The following ANXA9 variants were observed in gnomAD, a reference collection of about 807,000 sequenced individuals.
ANXA9 encodes the protein annexin A9.
Under a neutral mutation model 51.8 loss-of-function variants are expected in ANXA9, and 47 were observed. That is an observed-to-expected ratio of 0.91 (90% CI 0.72 to 1.16). The LOEUF (loss-of-function observed/expected upper bound fraction) is 1.16, where lower values mean the gene tolerates loss of function less well. ANXA9 is among the 50% of genes most tolerant of loss of function. ANXA9 has a pLI of 0.00. For missense variants in ANXA9, 361 were observed against 424.7 expected (o/e 0.85, Z 1.32); for synonymous variants, 154 against 168.7 (o/e 0.91, Z 0.68).
At position 150,995,463 on chromosome 1, in the gene ANXA9, C is replaced by T. The variant is rs1456460839; in HGVS notation, c.*141C>T. The T allele has an allele frequency of 2.8e-6, 2 of 726,720 alleles. No individual in the cohort carries two copies. The highest frequency in any genetic ancestry group is 3.7e-5 in the African/African-American group (2 of 54,268). 45.0% of individuals were successfully genotyped at this position (726,720 alleles called of 1,614,324 possible). A position where few individuals can be genotyped will look rare whatever the true frequency, so the allele number is the denominator to read the frequency against. ...CTCTAGCTTCTTGTTGAGGCTGGAA[C>T]TGTTTCTTTAAAATCCCTTAATTTT... On this transcript the variant is annotated 3_prime_UTR_variant, in exon 14 of 14. Coordinates refer to ENST00000368947, the MANE Select transcript of ANXA9 (RefSeq NM_003568.3).
chr1:150,987,483 T>C (rs1341601026), intron 9 of ANXA9, among the ~76,000 whole-genome samples: 3 of 151,926 alleles, frequency 2.0e-5, no homozygotes, highest in East Asian at 1.9e-4. Context: ...ATCCCAACAA[T>C]TTGGGAGGCC....
At position 150,983,130 on chromosome 1, in the gene ANXA9, G is replaced by C; in HGVS notation, c.25G>C (p.Ala9Pro). ...CATGTCTGTGACTGGCGGGAAGATG[G>C]CACCGTCCCTCACCCAGGAGATCCT... MSVTGGKM[A>P]PSLTQEILSH... The change falls in exon 3 of 14, where the codon GCA (alanine) becomes CCA (proline). Residue 9 changes from alanine (A) to proline (P), a missense_variant. Transcript: ENST00000368947. The C allele has an allele frequency of 6.2e-7, 1 of 1,614,100 alleles. No individual in the cohort carries two copies. The highest frequency in any genetic ancestry group is 8.5e-7 in the Non-Finnish European group (1 of 1,179,986).
chr1:150,980,801 C>T (rs1378573521), upstream of ANXA9, among the ~76,000 whole-genome samples: 4 of 152,026 alleles, frequency 2.6e-5, no homozygotes, highest in African/African-American at 9.6e-5. Flanking sequence ...AGGCTGGTCT[C>T]GATCTCCTGC....
intron 2 of ANXA9, 126 bp from the exon 3 acceptor site, chr1:150,982,964 C>CT (rs1671446573): frequency 1.0e-5 from 7 of 680,146 alleles, no homozygotes; most frequent in Non-Finnish European, 2.5e-6. Flanking sequence ...GCAGGTTGAT[C>CT]TTTTTTTCTG....
intron 12 of ANXA9, among the ~76,000 whole-genome samples, chr1:150,990,706 G>T (rs139999434): frequency 6.6e-6 from 1 of 152,158 alleles, no homozygotes; most frequent in Non-Finnish European, 1.5e-5. Context: ...AATTAGCCAG[G>T]GGGTAGTGGT....
At chr1:150,992,049 G>A (rs587655820) in intron 12 of ANXA9, among the ~76,000 whole-genome samples, 36 of 152,256 alleles carry the variant, frequency 2.4e-4, no homozygotes, top group Admixed American at 1.5e-3. Flanking sequence ...TTACAGGCGT[G>A]AGCCACCGTG....
At chr1:150,980,381 G>A (rs149929745), upstream of ANXA9, among the ~76,000 whole-genome samples, 12 of 151,184 alleles carry the variant, frequency 7.9e-5, no homozygotes, top group Non-Finnish European at 1.2e-4. Flanking sequence ...GGGCAACAGA[G>A]AGAGACTCCG....
Position 150,983,959 on chromosome 1 carries a change from C to T in ANXA9, c.173-16C>T, listed in dbSNP as rs1332421526. ...GTAAAGACCCTGCTCACAGCACAGC[C>T]CTCATCTCGGTTCAGGCGTGGACCG... On this transcript the variant is annotated splice_polypyrimidine_tract_variant and intron_variant, in intron 4 of 13. Coordinates refer to ENST00000368947, the MANE Select transcript of ANXA9 (RefSeq NM_003568.3). The T allele has an allele frequency of 6.2e-7, 1 of 1,608,700 alleles. No individual in the cohort carries two copies. The highest frequency in any genetic ancestry group is 8.5e-7 in the Non-Finnish European group (1 of 1,177,546).
At chr1:150,992,085 G>A (rs1178895897) in intron 12 of ANXA9, among the ~76,000 whole-genome samples, 2 of 152,044 alleles carry the variant, frequency 1.3e-5, no homozygotes, top group East Asian at 3.9e-4. Flanking sequence ...TCTTTTATGA[G>A]AGATATGTAG....
chr1:150,984,146 C>T (rs947207177), intron 5 of ANXA9, 77 bp downstream of exon 5: 36 of 1,542,994 alleles, frequency 2.3e-5, no homozygotes, highest in Admixed American at 1.5e-4. Context: ...CAGCAACAGC[C>T]GCTGAGGCCA....
chr1:150,980,718 T>C (rs1671401881), upstream of ANXA9, among the ~76,000 whole-genome samples: 1 of 151,520 alleles, frequency 6.6e-6, no homozygotes, highest in Non-Finnish European at 1.5e-5. Flanking sequence ...TAGCTGGGAT[T>C]ACAGGCATGC....
intron 12 of ANXA9, among the ~76,000 whole-genome samples, chr1:150,993,013 T>C (rs1365452467): frequency 6.6e-6 from 1 of 152,178 alleles, no homozygotes; most frequent in Non-Finnish European, 1.5e-5. Flanking sequence ...TCTAAATGAA[T>C]TGGAGCATCC....
upstream of ANXA9, among the ~76,000 whole-genome samples, chr1:150,979,786 T>C (rs1045219154): frequency 6.6e-6 from 1 of 152,220 alleles, no homozygotes; most frequent in African/African-American, 2.4e-5. Context: ...ATAACAATAC[T>C]TATCGTTATA....
intron 5 of ANXA9, 48 bp downstream of exon 5, chr1:150,984,117 C>T (rs748360796): frequency 3.8e-5 from 60 of 1,583,642 alleles, no homozygotes; most frequent in Non-Finnish European, 5.1e-5. Flanking sequence ...GTGAGAAACC[C>T]CCTGGAGGAC....
Position 150,995,503 on chromosome 1 carries a change from A to G in ANXA9, c.*181A>G, listed in dbSNP as rs1671828942. ...CCCTTAATTTTCCCATCTCAAAATT[A>G]TATCTGTACCTGGGTCATCCAGCTC... On this transcript the variant is annotated 3_prime_UTR_variant, in exon 14 of 14. Coordinates refer to ENST00000368947, the MANE Select transcript of ANXA9 (RefSeq NM_003568.3). 3.5e-6 allele frequency: 2 copies of G among 569,684 alleles called. No individual in the cohort carries two copies. The highest frequency in any genetic ancestry group is 6.0e-6 in the Non-Finnish European group (2 of 333,258). The allele number at this position is 569,684 out of a possible 1,614,324, so 35.3% of individuals were successfully genotyped here.
At position 150,988,733 on chromosome 1, in the gene ANXA9, C is replaced by T. The variant is rs587686910; in HGVS notation, c.852+392C>T. 2.0e-5 allele frequency among the ~76,000 whole-genome samples: 3 copies of T among 152,262 alleles called. No homozygotes were observed. In the East Asian group the frequency reaches 5.8e-4, roughly 29 times the overall value. On this transcript the variant is annotated intron_variant, in intron 12 of 13. Transcript: ENST00000368947. ...GCCACAGCCTATCCTGAGCAGGGCACACATATTTCAATTAATCCTCACAAC... is the reference window on the plus strand; with the variant it reads ...GCCACAGCCTATCCTGAGCAGGGCATACATATTTCAATTAATCCTCACAAC...
chr1:150,983,519 A>C (rs1671471982), intron 4 of ANXA9, 85 bp downstream of exon 4: 8 of 1,301,024 alleles, frequency 6.1e-6, no homozygotes, highest in Non-Finnish European at 8.5e-6. Flanking sequence ...GGAACTAGTG[A>C]TGTTGGAGAA....
At chr1:150,983,463 C>A (rs1220366560) in intron 4 of ANXA9, 29 bp downstream of exon 4, 1 of 1,578,156 alleles carries the variant, frequency 6.3e-7, no homozygotes, top group South Asian at 1.2e-5. Flanking sequence ...GCACTTGAGA[C>A]TGCCTTTTAG....
At chr1:150,993,086 T>A (rs988486117) in intron 12 of ANXA9, among the ~76,000 whole-genome samples, 1 of 152,084 alleles carries the variant, frequency 6.6e-6, no homozygotes, top group African/African-American at 2.4e-5. Context: ...ATGCCCTAAG[T>A]ATGTGTTGTA....
Sources: allele counts gnomAD v4.1 joint callset (sites outside exome capture counted in the v4.1 genomes callset), GRCh38; gene constraint gnomAD v4.1.1; transcripts MANE v1.5; gene names NCBI Gene and HGNC (gene_info 2026-07-23, HGNC 2026-07-21).